The following RPA3 variants were observed in gnomAD, a reference collection of about 807,000 sequenced individuals.
The protein encoded by RPA3 is replication protein A 14 kDa subunit.
In RPA3, 24 loss-of-function variants were observed where a neutral mutation model predicts 13.7. The ratio of observed to expected loss-of-function variants is 1.75; its 90% CI spans 1.27 to 2.46. The LOEUF is 2.46. Among genes scored for constraint, RPA3 ranks in the 30% most tolerant of loss-of-function variants. The pLI, the probability that RPA3 is intolerant of heterozygous loss-of-function variation, is 0.00. For synonymous variants in RPA3, 59 were observed against 51.2 expected (o/e 1.15, Z -0.65); for missense variants, 183 against 151.0 (o/e 1.21, Z -1.11).
intron 4 of RPA3, among the ~76,000 whole-genome samples, chr7:7,665,314 A>G (rs1222881113): frequency 6.6e-6 from 1 of 152,230 alleles, no homozygotes; most frequent in African/African-American, 2.4e-5. Context: ...AGGCCCTTTT[A>G]TACGCAGTCT....
intron 4 of RPA3, among the ~76,000 whole-genome samples, chr7:7,669,171 G>A (rs1276161437): frequency 1.3e-5 from 2 of 152,068 alleles, no homozygotes; most frequent in African/African-American, 2.4e-5. Flanking sequence ...TGTATATAGG[G>A]TTTAGTACTA....
At chr7:7,671,418 A>T (rs1406599289) in intron 4 of RPA3, among the ~76,000 whole-genome samples, 1 of 152,204 alleles carries the variant, frequency 6.6e-6, no homozygotes, top group South Asian at 2.1e-4. Context: ...TGAGTGCCAC[A>T]TTAGTCTACA....
chr7:7,700,646 G>A (rs557423606), intron 2 of RPA3, among the ~76,000 whole-genome samples: 3 of 152,296 alleles, frequency 2.0e-5, no homozygotes, highest in East Asian at 1.9e-4. Flanking sequence ...CTAGTACTTT[G>A]GGAGGCCTAG....
intron 4 of RPA3, among the ~76,000 whole-genome samples, chr7:7,655,549 A>T (rs1785320103): frequency 6.6e-6 from 1 of 152,130 alleles, no homozygotes; most frequent in African/African-American, 2.4e-5. Context: ...CCAACTTCCT[A>T]AGTATTTTAG....
intron 4 of RPA3, among the ~76,000 whole-genome samples, chr7:7,643,219 T>C (rs1785015030): frequency 1.3e-5 from 2 of 152,206 alleles, no homozygotes; most frequent in South Asian, 4.1e-4. Flanking sequence ...GAGAAACAGC[T>C]TCCTGGGCAT....
intron 4 of RPA3, among the ~76,000 whole-genome samples, chr7:7,671,118 T>C (rs528890892): frequency 1.3e-5 from 2 of 152,338 alleles, no homozygotes; most frequent in African/African-American, 4.8e-5. Flanking sequence ...AATAATCATA[T>C]TACTCTTTGA....
intron 4 of RPA3, among the ~76,000 whole-genome samples, chr7:7,685,481 G>A (rs1231027774): frequency 6.6e-6 from 1 of 151,878 alleles, no homozygotes; most frequent in Non-Finnish European, 1.5e-5. Flanking sequence ...ACCAAGTTTT[G>A]TATTTTTAGT....
At chr7:7,677,708 C>T (rs1779781913) in intron 4 of RPA3, among the ~76,000 whole-genome samples, 1 of 119,528 alleles carries the variant, frequency 8.4e-6, no homozygotes, top group Non-Finnish European at 1.6e-5. Context: ...GAGTCTCGCT[C>T]TGTCGCCCAG....
chr7:7,637,985 A>G lies in RPA3; in HGVS notation c.175-13T>C. 6.3e-7 allele frequency: 1 copy of G among 1,598,980 alleles called. No homozygotes were observed. Among genetic ancestry groups the G allele is most frequent in the South Asian group, 1.1e-5 (1 of 90,554 alleles). ...TTTCTTCATCAAGCTAAGACACAGA[A>G]CAAGACATCGATTTGGTGATATCAC... On this transcript the variant is annotated splice_polypyrimidine_tract_variant and intron_variant, in intron 6 of 7. Coordinates refer to ENST00000223129, the MANE Select transcript of RPA3 (RefSeq NM_002947.5).
intron 4 of RPA3, among the ~76,000 whole-genome samples, chr7:7,649,158 CAAAA>C (rs34943326): frequency 3.1e-4 from 40 of 128,850 alleles, no homozygotes; most frequent in African/African-American, 7.3e-4. Context: ...GACTCCATCT[CAAAA>C]AAAAAAAAAA....
At chr7:7,638,489 G>C (rs1454539640) in intron 6 of RPA3, 2 of 152,848 alleles carry the variant, frequency 1.3e-5, no homozygotes, top group African/African-American at 2.4e-5. Flanking sequence ...GATTGCTTGA[G>C]ACCGAGAGTT....
intron 2 of RPA3, among the ~76,000 whole-genome samples, chr7:7,714,586 A>G (rs1780845244): frequency 6.6e-6 from 1 of 152,210 alleles, no homozygotes; most frequent in Non-Finnish European, 1.5e-5. Context: ...TGGTAGATTG[A>G]TTTGTAAATA....
At chr7:7,714,333 G>A (rs1202453935) in intron 2 of RPA3, among the ~76,000 whole-genome samples, 1 of 152,202 alleles carries the variant, frequency 6.6e-6, no homozygotes. Flanking sequence ...GGCTGCTCCA[G>A]CAGAGTGCTG....
chr7:7,653,174 ATGAAGT>A (rs1388156094), intron 4 of RPA3, among the ~76,000 whole-genome samples: 1 of 152,242 alleles, frequency 6.6e-6, no homozygotes, highest in African/African-American at 2.4e-5. Flanking sequence ...GCAACACCAA[ATGAAGT>A]TGCTTCAGAA....
At chr7:7,670,374 T>TA (rs1162955911) in intron 4 of RPA3, among the ~76,000 whole-genome samples, 2 of 152,204 alleles carry the variant, frequency 1.3e-5, no homozygotes, top group Non-Finnish European at 2.9e-5. Context: ...AAAGTTCTTG[T>TA]AGCACTCTAA....
chr7:7,672,373 C>T (rs897518067), intron 4 of RPA3, among the ~76,000 whole-genome samples: 9 of 152,086 alleles, frequency 5.9e-5, no homozygotes, highest in Non-Finnish European at 1.2e-4. Flanking sequence ...TATTTGTGTG[C>T]GTGTGAGCAT....
chr7:7,663,109 T>C (rs967375349), intron 4 of RPA3, among the ~76,000 whole-genome samples: 1 of 151,964 alleles, frequency 6.6e-6, no homozygotes, highest in East Asian at 1.9e-4. Context: ...TTAGTTACCA[T>C]GTATAATGCT....
intron 4 of RPA3, among the ~76,000 whole-genome samples, chr7:7,642,895 G>T (rs1484086699): frequency 6.6e-6 from 1 of 152,082 alleles, no homozygotes; most frequent in Non-Finnish European, 1.5e-5. Flanking sequence ...GTTGCTAAAT[G>T]GTATGTTGTT....
At chr7:7,684,841 A>C (rs1278559109) in intron 4 of RPA3, among the ~76,000 whole-genome samples, 1 of 152,190 alleles carries the variant, frequency 6.6e-6, no homozygotes, top group Non-Finnish European at 1.5e-5. Flanking sequence ...TAATACAACT[A>C]TTTGGGGGTA....
Sources: allele counts gnomAD v4.1 joint callset (sites outside exome capture counted in the v4.1 genomes callset), GRCh38; gene constraint gnomAD v4.1.1; transcripts MANE v1.5; gene names NCBI Gene and HGNC (gene_info 2026-07-23, HGNC 2026-07-21).